The following CFAP299 variants were observed in gnomAD, a reference collection of about 807,000 sequenced individuals.
CFAP299 encodes cilia and flagella associated protein 299, also known as cilia- and flagella-associated protein 299.
In CFAP299, 21 loss-of-function variants were observed where a neutral mutation model predicts 27.0. The ratio of observed to expected loss-of-function variants is 0.78; its 90% CI spans 0.55 to 1.12. The LOEUF (loss-of-function observed/expected upper bound fraction) is 1.12. Among genes scored for constraint, CFAP299 ranks in the 50% most tolerant of loss-of-function variants. The pLI is 0.00. For missense variants in CFAP299, 310 were observed against 276.6 expected (o/e 1.12, Z -0.86); for synonymous variants, 104 against 98.1 (o/e 1.06, Z -0.36).
chr4:80,863,725 A>T (rs866479756), intron 3 of CFAP299, among the ~76,000 whole-genome samples: 1 of 152,286 alleles, frequency 6.6e-6, no homozygotes. Context: ...GATTTTTTTA[A>T]TGCTTTTGTT....
intron 2 of CFAP299, chr4:80,387,933 G>A (rs1440721697): frequency 3.6e-6 from 3 of 823,450 alleles, no homozygotes; most frequent in Middle Eastern, 2.3e-4. Flanking sequence ...AGCAGGGTTT[G>A]GTCCTTTGGG....
intron 2 of CFAP299, among the ~76,000 whole-genome samples, chr4:80,521,298 C>A (rs1030677138): frequency 6.6e-6 from 1 of 152,100 alleles, no homozygotes; most frequent in African/African-American, 2.4e-5. Context: ...ATTTTATTCT[C>A]ATTCTTATAT....
chr4:80,783,186 C>G (rs1727030393), intron 3 of CFAP299, among the ~76,000 whole-genome samples: 1 of 152,140 alleles, frequency 6.6e-6, no homozygotes, highest in South Asian at 2.1e-4. Flanking sequence ...CTAGTATCCA[C>G]TTCTAAGATG....
rs116305773 is a variant in CFAP299, at chr4:80,423,348, G to A, written c.242+60464G>A. 3.4e-3 allele frequency among the ~76,000 whole-genome samples: 521 copies of A among 152,294 alleles called. 1 individual carries two copies. The highest frequency in any genetic ancestry group is 0.012 in the African/African-American group (490 of 41,570). On this transcript the variant is annotated intron_variant, in intron 2 of 5. Transcript: ENST00000358105. ...TTAATAATAGTCCATTTGGACTATT[G>A]GGGAGCCCCAAAATAAGTAAAGTAT...
At chr4:80,860,181 C>G (rs1163962114) in intron 3 of CFAP299, among the ~76,000 whole-genome samples, 1 of 152,122 alleles carries the variant, frequency 6.6e-6, no homozygotes, top group Non-Finnish European at 1.5e-5. Context: ...TCGCTGATAC[C>G]CTTTCTTCCA....
chr4:80,528,360 CT>C (rs1426557417), intron 2 of CFAP299, among the ~76,000 whole-genome samples: 1 of 152,068 alleles, frequency 6.6e-6, no homozygotes, highest in Non-Finnish European at 1.5e-5. Flanking sequence ...CTTCCTCTAG[CT>C]CTTACTGATC....
chr4:80,784,559 C>A (rs188913664), intron 3 of CFAP299, among the ~76,000 whole-genome samples: 3 of 151,450 alleles, frequency 2.0e-5, no homozygotes, highest in Non-Finnish European at 4.4e-5. Context: ...CTCTTGTTGC[C>A]CAGGCTGGAG....
intron 2 of CFAP299, chr4:80,386,971 C>A (rs1578383696): frequency 2.1e-6 from 2 of 971,164 alleles, no homozygotes; most frequent in East Asian, 4.8e-5. Context: ...TTCTTGCACA[C>A]CTGGCCCTTG....
At chr4:80,635,856 T>C (rs965785816) in intron 3 of CFAP299, among the ~76,000 whole-genome samples, 16 of 152,274 alleles carry the variant, frequency 1.1e-4, no homozygotes, top group Non-Finnish European at 2.4e-4. Flanking sequence ...AAAACTTTAC[T>C]ACCTTAGGTG....
intron 4 of CFAP299, among the ~76,000 whole-genome samples, chr4:80,941,759 G>C (rs971327782): frequency 5.3e-5 from 8 of 152,166 alleles, no homozygotes; most frequent in African/African-American, 1.7e-4. Context: ...GGAGGTCTTA[G>C]GGAGCTTTCA....
intron 3 of CFAP299, among the ~76,000 whole-genome samples, chr4:80,784,178 T>C (rs555521412): frequency 1.3e-5 from 2 of 152,308 alleles, no homozygotes; most frequent in South Asian, 4.1e-4. Flanking sequence ...AATGCAAGTA[T>C]TCTTACAAAG....
At chr4:80,861,013 G>C (rs1732305541) in intron 3 of CFAP299, among the ~76,000 whole-genome samples, 1 of 152,236 alleles carries the variant, frequency 6.6e-6, no homozygotes, top group African/African-American at 2.4e-5. Flanking sequence ...TGCCCCCAGA[G>C]GTGGAGCCTA....
chr4:80,921,413 C>A (rs1736038060), intron 4 of CFAP299, among the ~76,000 whole-genome samples: 1 of 151,900 alleles, frequency 6.6e-6, no homozygotes, highest in South Asian at 2.1e-4. Context: ...GCTGAGAGAG[C>A]TAATTTTTAA....
intron 3 of CFAP299, among the ~76,000 whole-genome samples, chr4:80,868,927 G>C (rs888191348): frequency 1.3e-4 from 20 of 151,508 alleles, no homozygotes; most frequent in African/African-American, 4.4e-4. Context: ...GTGTGTGTGT[G>C]TGTGTGTGTG....
chr4:80,383,377 G>A (rs943325073), intron 2 of CFAP299, among the ~76,000 whole-genome samples: 8 of 152,012 alleles, frequency 5.3e-5, no homozygotes, highest in Admixed American at 2.0e-4. Flanking sequence ...AAATATTGAC[G>A]TCACATAATT....
chr4:80,655,353 C>T (rs1577980176), intron 3 of CFAP299, among the ~76,000 whole-genome samples: 1 of 152,052 alleles, frequency 6.6e-6, no homozygotes, highest in African/African-American at 2.4e-5. Context: ...TCGTCTATTG[C>T]TGCCGGATAC....
chr4:80,914,403 C>CTAT (rs1735640807), intron 4 of CFAP299, among the ~76,000 whole-genome samples: 2 of 152,070 alleles, frequency 1.3e-5, no homozygotes, highest in African/African-American at 4.8e-5. Flanking sequence ...AACCTCAGCA[C>CTAT]TATAGACATT....
intron 4 of CFAP299, among the ~76,000 whole-genome samples, chr4:80,906,731 C>G (rs1735203652): frequency 6.6e-6 from 1 of 152,142 alleles, no homozygotes; most frequent in Admixed American, 6.5e-5. Context: ...CCCCTTTTAG[C>G]CATGGCTGGA....
intron 2 of CFAP299, among the ~76,000 whole-genome samples, chr4:80,373,513 G>T (rs905524003): frequency 1.4e-4 from 22 of 152,022 alleles, no homozygotes; most frequent in African/African-American, 5.1e-4. Flanking sequence ...CTTTTTTACT[G>T]GAATGGCTGC....
Sources: gnomAD v4.1 joint callset for allele counts (sites outside exome capture counted in the v4.1 genomes callset) on GRCh38, gnomAD v4.1.1 for gene constraint, MANE v1.5 for transcripts, NCBI Gene and HGNC (gene_info 2026-07-23, HGNC 2026-07-21) for gene names.